The following CACNA2D1 variants were observed in gnomAD, a reference collection of about 807,000 sequenced individuals.
CACNA2D1 encodes calcium voltage-gated channel auxiliary subunit alpha2delta 1, also known as voltage-dependent calcium channel subunit alpha-2/delta-1.
Under a neutral mutation model 171.5 loss-of-function variants are expected in CACNA2D1, and 53 were observed. That is an observed-to-expected ratio of 0.31 (90% CI 0.25 to 0.39). CACNA2D1 has a LOEUF of 0.39. CACNA2D1 is among the 10% of genes least tolerant of loss of function. The probability of loss-of-function intolerance (pLI) is 1.00; values close to 1 mark genes in which losing one functional copy is unlikely to be tolerated. For synonymous variants in CACNA2D1, 442 were observed against 443.1 expected, an observed-to-expected ratio of 1.00 and a Z score of 0.03; for missense variants, 903 against 1,299.8, an observed-to-expected ratio of 0.69 and a Z score of 4.69.
intron 6 of CACNA2D1, among the ~76,000 whole-genome samples, chr7:82,089,024 A>C (rs1403089532): frequency 6.6e-6 from 1 of 152,134 alleles, no homozygotes; most frequent in Non-Finnish European, 1.5e-5. Flanking sequence ...CTCAGGAAGT[A>C]ATGCTCTCCT....
chr7:81,959,605 C>T (rs1313739183), intron 37 of CACNA2D1, 115 bp downstream of exon 37: 21 of 1,159,034 alleles, frequency 1.8e-5, no homozygotes, highest in Admixed American at 6.0e-5. Context: ...TCTGCCTTTG[C>T]GAGGTGATCA....
intron 10 of CACNA2D1, among the ~76,000 whole-genome samples, chr7:82,060,156 T>TAC (rs1183876711): frequency 1.3e-4 from 5 of 37,592 alleles, no homozygotes; most frequent in Non-Finnish European, 2.4e-4. Flanking sequence ...ATATGTATTA[T>TAC]ATATATATAA....
chr7:82,030,478 T>C (rs2131129182), intron 12 of CACNA2D1, among the ~76,000 whole-genome samples: 1 of 151,736 alleles, frequency 6.6e-6, no homozygotes, highest in African/African-American at 2.4e-5. Context: ...TATATACTTT[T>C]AGTTAAATCC....
chr7:82,127,628 G>A (rs143601707), intron 5 of CACNA2D1, among the ~76,000 whole-genome samples: 7 of 152,180 alleles, frequency 4.6e-5, no homozygotes, highest in African/African-American at 1.4e-4. Flanking sequence ...TGCTTAGAAC[G>A]CTCATAGGAA....
intron 1 of CACNA2D1, among the ~76,000 whole-genome samples, chr7:82,377,043 G>C (rs749711068): frequency 6.6e-6 from 1 of 152,118 alleles, no homozygotes; most frequent in Non-Finnish European, 1.5e-5. Context: ...GAAGCTTCTT[G>C]TGCATCATGT....
chr7:82,000,861 C>T (rs555738472), intron 18 of CACNA2D1, among the ~76,000 whole-genome samples: 1 of 131,280 alleles, frequency 7.6e-6, no homozygotes, highest in East Asian at 2.5e-4. Flanking sequence ...AAACTCCTGA[C>T]CTTGTGATCG....
intron 19 of CACNA2D1, among the ~76,000 whole-genome samples, chr7:81,996,239 T>C (rs557525670): frequency 6.6e-6 from 1 of 152,244 alleles, no homozygotes; most frequent in African/African-American, 2.4e-5. Flanking sequence ...GGAGTAAGAG[T>C]CCAGACACCA....
chr7:82,159,819 A>C (rs991802642), intron 4 of CACNA2D1, among the ~76,000 whole-genome samples: 19 of 151,296 alleles, frequency 1.3e-4, no homozygotes, highest in Non-Finnish European at 7.4e-5. Flanking sequence ...GAAATCATGC[A>C]AAATGAAATG....
chr7:82,080,646 T>C (rs1809636080), intron 7 of CACNA2D1, among the ~76,000 whole-genome samples: 1 of 152,238 alleles, frequency 6.6e-6, no homozygotes, highest in African/African-American at 2.4e-5. Flanking sequence ...TTATTTGAAA[T>C]TGACATTTAA....
intron 10 of CACNA2D1, among the ~76,000 whole-genome samples, chr7:82,051,342 A>T (rs1162150454): frequency 5.3e-5 from 8 of 152,158 alleles, no homozygotes; most frequent in Admixed American, 5.2e-4. Flanking sequence ...TTGTACTTAC[A>T]TTTATAAACT....
chr7:82,198,303 C>T lies in CACNA2D1; in HGVS notation c.295-27694G>A, dbSNP rs148209604. 1.8e-3 allele frequency among the ~76,000 whole-genome samples: 273 copies of T among 152,210 alleles called. 2 individuals carry two copies. The highest frequency in any genetic ancestry group is 6.1e-3 in the African/African-American group (255 of 41,544). ...AGTTACTGGAGCACAAAGTACTATG[C>T]TCCTATTTTGGCTTGGCTAGAATTA... On this transcript the variant is annotated intron_variant, in intron 3 of 38. Transcript: ENST00000356860.
intron 3 of CACNA2D1, among the ~76,000 whole-genome samples, chr7:82,183,756 G>C (rs1054380976): frequency 6.6e-6 from 1 of 151,972 alleles, no homozygotes; most frequent in Non-Finnish European, 1.5e-5. Flanking sequence ...TTTATGGAAG[G>C]TCTAATCAAA....
intron 3 of CACNA2D1, among the ~76,000 whole-genome samples, chr7:82,250,430 A>C (rs1187724449): frequency 6.6e-6 from 1 of 152,190 alleles, no homozygotes; most frequent in Non-Finnish European, 1.5e-5. Flanking sequence ...ATAACATATA[A>C]AATCTTATAT....
intron 24 of CACNA2D1, among the ~76,000 whole-genome samples, chr7:81,979,350 A>G (rs931891162): frequency 2.6e-5 from 4 of 152,204 alleles, no homozygotes; most frequent in African/African-American, 9.6e-5. Flanking sequence ...TGGTTCATAC[A>G]CTAATACCTG....
intron 3 of CACNA2D1, among the ~76,000 whole-genome samples, chr7:82,322,800 G>A (rs1408345358): frequency 6.6e-6 from 1 of 152,048 alleles, no homozygotes; most frequent in African/African-American, 2.4e-5. Context: ...ATGAAGAACA[G>A]ATGCAAAGAA....
chr7:82,034,577 A>G (rs1204583049), intron 11 of CACNA2D1, among the ~76,000 whole-genome samples: 1 of 152,080 alleles, frequency 6.6e-6, no homozygotes, highest in African/African-American at 2.4e-5. Context: ...AAAGTTGCCT[A>G]TTTTATCATC....
At chr7:82,053,311 T>TTTA (rs1562928968) in intron 10 of CACNA2D1, among the ~76,000 whole-genome samples, 2 of 151,516 alleles carry the variant, frequency 1.3e-5, no homozygotes, top group Admixed American at 6.6e-5. Context: ...AGAAGGTTAA[T>TTTA]GCACAAATAA....
intron 3 of CACNA2D1, among the ~76,000 whole-genome samples, chr7:82,331,040 C>T (rs963598065): frequency 2.7e-4 from 41 of 152,120 alleles, no homozygotes; most frequent in Non-Finnish European, 5.0e-4. Flanking sequence ...ACAAGAGCCA[C>T]GGGTGATCTG....
upstream of CACNA2D1, chr7:82,443,894 G>C (rs1206742066): frequency 2.6e-6 from 1 of 388,080 alleles, no homozygotes; most frequent in Non-Finnish European, 4.5e-6. Context: ...TGCAGGAATC[G>C]GGGAATGGCA....
Sources: allele counts gnomAD v4.1 joint callset (sites outside exome capture counted in the v4.1 genomes callset), GRCh38; gene constraint gnomAD v4.1.1; transcripts MANE v1.5; gene names NCBI Gene and HGNC (gene_info 2026-07-23, HGNC 2026-07-21).